The following XYLT1 variants were observed in gnomAD, a reference collection of about 807,000 sequenced individuals.
XYLT1 encodes beta-D-xylosyltransferase 1.
A neutral mutation model predicts 91.3 loss-of-function variants in XYLT1; 36 were observed. The observed-to-expected ratio is 0.39, with a 90% CI of 0.30 to 0.52. XYLT1 has a LOEUF of 0.52. Ranked by LOEUF, XYLT1 falls within the 20% of genes least tolerant of loss-of-function variation. The pLI, the probability that XYLT1 is intolerant of heterozygous loss-of-function variation, is 0.68. For synonymous variants in XYLT1, 588 were observed against 532.0 expected (o/e 1.11, Z -1.45); for missense variants, 1,242 against 1,284.5 (o/e 0.97, Z 0.51).
At chr16:17,300,352 A>G (rs1327579703) in intron 2 of XYLT1, among the ~76,000 whole-genome samples, 1 of 152,062 alleles carries the variant, frequency 6.6e-6, no homozygotes, top group Non-Finnish European at 1.5e-5. Flanking sequence ...GCCAAAGACT[A>G]GAAACCACTT....
chr16:17,262,813 T>A (rs1275255111), intron 2 of XYLT1, among the ~76,000 whole-genome samples: 1 of 152,044 alleles, frequency 6.6e-6, no homozygotes, highest in Non-Finnish European at 1.5e-5. Context: ...CTGCTTTGAG[T>A]CACTGAGATT....
chr16:17,379,862 C>T (rs527720016), intron 1 of XYLT1, among the ~76,000 whole-genome samples: 9 of 151,938 alleles, frequency 5.9e-5, no homozygotes, highest in African/African-American at 2.2e-4. Flanking sequence ...TTTCCAAAGA[C>T]CATCATTTGT....
At chr16:17,196,047 G>T (rs1184774867) in intron 5 of XYLT1, among the ~76,000 whole-genome samples, 1 of 152,208 alleles carries the variant, frequency 6.6e-6, no homozygotes, top group Admixed American at 6.5e-5. Flanking sequence ...TCTAGTGCCT[G>T]TCATTTTTCT....
intron 1 of XYLT1, among the ~76,000 whole-genome samples, chr16:17,461,450 C>T (rs1425906418): frequency 6.6e-6 from 1 of 152,190 alleles, no homozygotes; most frequent in Non-Finnish European, 1.5e-5. Context: ...GCACATTGGT[C>T]CTGTTCACCA....
At chr16:17,299,878 G>A (rs1352776550) in intron 2 of XYLT1, among the ~76,000 whole-genome samples, 1 of 152,234 alleles carries the variant, frequency 6.6e-6, no homozygotes, top group Non-Finnish European at 1.5e-5. Flanking sequence ...CCCAGGATAA[G>A]CTATGATGCT....
chr16:17,386,492 G>T lies in XYLT1; in HGVS notation c.364-28442C>A, dbSNP rs546880528. ...TTTATGGATTACTAGATACTTGATG[G>T]AGAGGTGGAGGGGCTCAGGAACTTG... On this transcript the variant is annotated intron_variant, in intron 1 of 11. Transcript: ENST00000261381. Among the ~76,000 whole-genome samples the T allele has an allele frequency of 4.7e-4, 71 of 152,284 alleles. 2 individuals carry two copies. The South Asian group carries it at 0.013, about 29-fold the overall frequency.
At chr16:17,433,118 GA>G (rs1046212967) in intron 1 of XYLT1, among the ~76,000 whole-genome samples, 1 of 150,952 alleles carries the variant, frequency 6.6e-6, no homozygotes, top group African/African-American at 2.4e-5. Context: ...AGCTGTGTTA[GA>G]AAAAAAAAGG....
intron 2 of XYLT1, among the ~76,000 whole-genome samples, chr16:17,316,907 C>T (rs1220626846): frequency 6.6e-6 from 1 of 150,862 alleles, no homozygotes; most frequent in Non-Finnish European, 1.5e-5. Context: ...CTGCAGGCTC[C>T]GTCACCTGGG....
intron 3 of XYLT1, among the ~76,000 whole-genome samples, chr16:17,217,289 C>T (rs2032878268): frequency 6.6e-6 from 1 of 152,140 alleles, no homozygotes; most frequent in Non-Finnish European, 1.5e-5. Context: ...TTCTTAGGTG[C>T]TTCTGATTGT....
chr16:17,192,894 C>A (rs1318338301), intron 5 of XYLT1: 1 of 151,186 alleles, frequency 6.6e-6, no homozygotes, highest in African/African-American at 2.4e-5. Context: ...CTCATTGCAG[C>A]CTCTGCCTCC....
intron 6 of XYLT1, among the ~76,000 whole-genome samples, chr16:17,152,952 T>C (rs1292661573): frequency 6.6e-6 from 1 of 152,186 alleles, no homozygotes; most frequent in East Asian, 1.9e-4. Context: ...AATACCTAAC[T>C]TTCATCACAT....
At chr16:17,339,236 C>T (rs993828582) in intron 2 of XYLT1, among the ~76,000 whole-genome samples, 1 of 152,102 alleles carries the variant, frequency 6.6e-6, no homozygotes, top group Non-Finnish European at 1.5e-5. Context: ...TGTACATACC[C>T]GCTGATGAAC....
At chr16:17,386,175 C>G (rs2035745939) in intron 1 of XYLT1, among the ~76,000 whole-genome samples, 1 of 152,196 alleles carries the variant, frequency 6.6e-6, no homozygotes, top group South Asian at 2.1e-4. Flanking sequence ...CTGAGTTTTA[C>G]TGCTACCCAA....
chr16:17,414,954 C>A (rs2036161575), intron 1 of XYLT1, among the ~76,000 whole-genome samples: 1 of 152,168 alleles, frequency 6.6e-6, no homozygotes, highest in African/African-American at 2.4e-5. Context: ...CCAAGGGAAT[C>A]AGAACTGCAG....
chr16:17,214,606 A>C (rs1162123060), intron 3 of XYLT1, among the ~76,000 whole-genome samples: 2 of 152,202 alleles, frequency 1.3e-5, no homozygotes, highest in Non-Finnish European at 2.9e-5. Flanking sequence ...ACGAATGTCT[A>C]TGATATGCCA....
intron 1 of XYLT1, among the ~76,000 whole-genome samples, chr16:17,395,372 G>C (rs2035871208): frequency 6.6e-6 from 1 of 152,034 alleles, no homozygotes; most frequent in African/African-American, 2.4e-5. Flanking sequence ...AAAAATGGAA[G>C]GGTGGTGCAT....
At position 17,358,050 on chromosome 16, in the gene XYLT1, C is replaced by T; in HGVS notation, c.364G>A (p.Asp122Asn). 1.2e-6 allele frequency: 2 copies of T among 1,613,094 alleles called. No individual in the cohort carries two copies. The highest frequency in any genetic ancestry group is 1.1e-5 in the South Asian group (1 of 90,996). Residue 122 changes from aspartate (D) to asparagine (N), a missense_variant and splice_region_variant, in exon 2 of 12, where the codon GAT becomes AAT. By Grantham distance (23) the Asp-to-Asn change is conservative (BLOSUM62 1). This residue lies in a region of XYLT1 where 437 missense variants were observed against 411.5 expected (regional missense o/e 1.06). Coordinates refer to ENST00000261381, the MANE Select transcript of XYLT1 (RefSeq NM_022166.4). ...SRGALPARALDPHPSPLITLE... is the reference protein window; with the variant it reads ...SRGALPARALNPHPSPLITLE... ...GTGATGAGCGGACTTGGGTGTGGAT[C>T]CTGTAGGATGAAAGGAGAAAATGCA...
intron 1 of XYLT1, among the ~76,000 whole-genome samples, chr16:17,423,718 C>T (rs906863442): frequency 2.6e-5 from 4 of 152,032 alleles, no homozygotes; most frequent in Non-Finnish European, 4.4e-5. Context: ...CAGGTTCAAG[C>T]GATTCTCCTG....
intron 6 of XYLT1, among the ~76,000 whole-genome samples, chr16:17,155,485 A>G (rs1324826245): frequency 1.3e-5 from 2 of 152,132 alleles, no homozygotes; most frequent in African/African-American, 4.8e-5. Context: ...TTTCCCACCA[A>G]AAGAGTTCTC....
Sources: allele counts gnomAD v4.1 joint callset (sites outside exome capture counted in the v4.1 genomes callset), GRCh38; gene constraint gnomAD v4.1.1; regional missense constraint gnomAD v4.1.1; transcripts MANE v1.5; gene names NCBI Gene and HGNC (gene_info 2026-07-23, HGNC 2026-07-21).